SPIDR: variants seen among roughly 807,000 people sequenced by gnomAD.
The protein encoded by SPIDR is scaffold protein involved in DNA repair, also known as DNA repair-scaffolding protein.
In SPIDR, 93 loss-of-function variants were observed where a neutral mutation model predicts 104.6. The ratio of observed to expected loss-of-function variants is 0.89; its 90% CI spans 0.75 to 1.06. SPIDR has a LOEUF of 1.06. SPIDR is among the 50% of genes least tolerant of loss of function. The probability of loss-of-function intolerance (pLI) is 0.00; values close to 1 mark genes in which losing one functional copy is unlikely to be tolerated. For synonymous variants in SPIDR, 431 were observed against 416.9 expected, an observed-to-expected ratio of 1.03 and a Z score of -0.41; for missense variants, 1,154 against 1,111.2, an observed-to-expected ratio of 1.04 and a Z score of -0.55.
chr8:47,488,033 C>CA (rs543527119), intron 8 of SPIDR, among the ~76,000 whole-genome samples: 1 of 152,080 alleles, frequency 6.6e-6, no homozygotes, highest in African/African-American at 2.4e-5. Context: ...GACAGAGACA[C>CA]AAAAAACCCT....
intron 10 of SPIDR, among the ~76,000 whole-genome samples, chr8:47,625,169 C>T (rs1044366260): frequency 2.0e-5 from 3 of 152,150 alleles, no homozygotes; most frequent in African/African-American, 7.2e-5. Flanking sequence ...CACAAAAGGC[C>T]TTTGACAAAA....
At chr8:47,610,739 G>A (rs1352579717) in intron 10 of SPIDR, among the ~76,000 whole-genome samples, 1 of 152,246 alleles carries the variant, frequency 6.6e-6, no homozygotes, top group African/African-American at 2.4e-5. Flanking sequence ...TCCCACGAGA[G>A]AGGATTATAC....
At chr8:47,520,308 A>C (rs1321952002) in intron 8 of SPIDR, among the ~76,000 whole-genome samples, 1 of 152,170 alleles carries the variant, frequency 6.6e-6, no homozygotes, top group East Asian at 1.9e-4. Flanking sequence ...TAAGCCCCAT[A>C]GATGAGAGGG....
intron 11 of SPIDR, among the ~76,000 whole-genome samples, chr8:47,695,347 A>G (rs2079180557): frequency 6.6e-6 from 1 of 152,128 alleles, no homozygotes. Flanking sequence ...ACAAATTTTA[A>G]GAACATTTTA....
chr8:47,706,776 A>T (rs1168931506), intron 14 of SPIDR, among the ~76,000 whole-genome samples: 1 of 152,172 alleles, frequency 6.6e-6, no homozygotes, highest in African/African-American at 2.4e-5. Context: ...AGATAGCTTA[A>T]AACAATAGAA....
intron 10 of SPIDR, among the ~76,000 whole-genome samples, chr8:47,657,518 G>A (rs1481005889): frequency 6.6e-6 from 1 of 152,162 alleles, no homozygotes; most frequent in South Asian, 2.1e-4. Context: ...CTACACAGGT[G>A]ATAAAACTGT....
intron 10 of SPIDR, among the ~76,000 whole-genome samples, chr8:47,649,781 C>G (rs1350612436): frequency 1.3e-5 from 2 of 152,066 alleles, no homozygotes; most frequent in Non-Finnish European, 2.9e-5. Flanking sequence ...AGATTTAAAA[C>G]TTTTTACAGG....
At chr8:47,364,456 A>G (rs1554633033) in intron 5 of SPIDR, among the ~76,000 whole-genome samples, 1 of 152,178 alleles carries the variant, frequency 6.6e-6, no homozygotes, top group Non-Finnish European at 1.5e-5. Context: ...TTTGATGCAG[A>G]GCTTCAATGC....
At chr8:47,268,243 ACTTGG>A (rs1554548165) in intron 1 of SPIDR, among the ~76,000 whole-genome samples, 1 of 152,152 alleles carries the variant, frequency 6.6e-6, no homozygotes, top group Non-Finnish European at 1.5e-5. Flanking sequence ...AATTACTGTA[ACTTGG>A]CAGTGTTGAA....
chr8:47,639,485 T>C (rs1588687285), intron 10 of SPIDR, among the ~76,000 whole-genome samples: 2 of 152,368 alleles, frequency 1.3e-5, no homozygotes, highest in East Asian at 1.9e-4. Flanking sequence ...GATTTTGTTT[T>C]TGACTTTTAG....
At chr8:47,291,181 C>T in intron 4 of SPIDR, 44 bp downstream of exon 4, 1 of 1,337,384 alleles carries the variant, frequency 7.5e-7, no homozygotes, top group Non-Finnish European at 1.1e-6. Flanking sequence ...GTAACAGGAA[C>T]ATATTGTGTC....
chr8:47,640,491 T>C (rs2068687548), intron 10 of SPIDR, among the ~76,000 whole-genome samples: 1 of 152,202 alleles, frequency 6.6e-6, no homozygotes, highest in Non-Finnish European at 1.5e-5. Flanking sequence ...AGCTGTAGAA[T>C]GTAGCATATA....
In SPIDR at chr8:47,568,837, T is replaced by C. The variant is rs902530445; in HGVS notation, c.1098-26974T>C. On this transcript the variant is annotated intron_variant, in intron 8 of 19. Transcript: ENST00000297423. ...AGATTAATGCCAAGATATATTAGAG[T>C]CAAACTGTTAAAGCCCAAACATGGA... is the stretch of plus-strand genomic sequence containing the variant. 9.2e-5 allele frequency among the ~76,000 whole-genome samples: 14 copies of C among 152,028 alleles called. 1 individual carries two copies. Among genetic ancestry groups the C allele is most frequent in the African/African-American group, 2.9e-4 (12 of 41,378 alleles).
intron 7 of SPIDR, 68 bp from the exon 8 acceptor site, chr8:47,440,247 TCATGACAC>T: frequency 1.5e-6 from 2 of 1,339,076 alleles, no homozygotes; most frequent in South Asian, 2.6e-5. Flanking sequence ...GATCTTTTTT[TCATGACAC>T]TTTATTCACG....
chr8:47,638,826 C>T (rs988541719), intron 10 of SPIDR, among the ~76,000 whole-genome samples: 1 of 152,162 alleles, frequency 6.6e-6, no homozygotes, highest in Non-Finnish European at 1.5e-5. Flanking sequence ...TTTATCTCCT[C>T]TCCAGGCTTC....
chr8:47,564,765 A>T (rs565325329), intron 8 of SPIDR, among the ~76,000 whole-genome samples: 2 of 152,238 alleles, frequency 1.3e-5, no homozygotes, highest in East Asian at 1.9e-4. Flanking sequence ...TTAAAAGTAG[A>T]CTAGTTTTAA....
At chr8:47,494,799 C>A (rs1338912771) in intron 8 of SPIDR, among the ~76,000 whole-genome samples, 1 of 152,178 alleles carries the variant, frequency 6.6e-6, no homozygotes, top group Non-Finnish European at 1.5e-5. Context: ...CTAAGGATTT[C>A]TTTCACTCTC....
At chr8:47,503,641 G>C (rs1314828385) in intron 8 of SPIDR, among the ~76,000 whole-genome samples, 1 of 152,142 alleles carries the variant, frequency 6.6e-6, no homozygotes, top group Non-Finnish European at 1.5e-5. Context: ...CACATTTAAG[G>C]TTAATATTGT....
rs181281671 is a variant in SPIDR, at chr8:47,439,436, C to T, written c.878-887C>T. Among the ~76,000 whole-genome samples the T allele has an allele frequency of 2.8e-3, 424 of 152,252 alleles. 2 individuals carry two copies. The highest frequency in any genetic ancestry group is 8.7e-3 in the African/African-American group (363 of 41,562). On this transcript the variant is annotated intron_variant, in intron 7 of 19. Coordinates refer to ENST00000297423, the MANE Select transcript of SPIDR (RefSeq NM_001080394.4). ...GAGACCTCTCCATCTGATTCTTAGA[C>T]GTCTACTTCACCTCATTTTAAGTGC...
Sources: allele counts gnomAD v4.1 joint callset (sites outside exome capture counted in the v4.1 genomes callset), GRCh38; gene constraint gnomAD v4.1.1; transcripts MANE v1.5; gene names NCBI Gene and HGNC (gene_info 2026-07-23, HGNC 2026-07-21).